SUCLG2: variants seen among roughly 807,000 people sequenced by gnomAD.
The protein encoded by SUCLG2 is succinate--CoA ligase [GDP-forming] subunit beta, mitochondrial.
Under a neutral mutation model 47.9 loss-of-function variants are expected in SUCLG2, and 42 were observed. The ratio of observed to expected loss-of-function variants is 0.88; its 90% CI spans 0.69 to 1.14. The LOEUF (loss-of-function observed/expected upper bound fraction) is 1.14, where lower values mean the gene tolerates loss of function less well. SUCLG2 is among the 50% of genes most tolerant of loss of function. The probability of loss-of-function intolerance (pLI) is 0.00; values close to 1 mark genes in which losing one functional copy is unlikely to be tolerated. For synonymous variants in SUCLG2, 195 were observed against 197.3 expected, an observed-to-expected ratio of 0.99 and a Z score of 0.10; for missense variants, 571 against 525.9, an observed-to-expected ratio of 1.09 and a Z score of -0.84.
At chr3:67,439,027 AG>A (rs1703692810) in intron 9 of SUCLG2, among the ~76,000 whole-genome samples, 1 of 152,212 alleles carries the variant, frequency 6.6e-6, no homozygotes, top group Non-Finnish European at 1.5e-5. Context: ...CACATCAAAA[AG>A]CTTTTCTACC....
rs138366182 is a variant in SUCLG2 at position 67,563,731 on chromosome 3, G to A, written c.227-34545C>T. Among the ~76,000 whole-genome samples the A allele has an allele frequency of 1.9e-3, 284 of 152,096 alleles. 2 individuals are homozygous for A. Among genetic ancestry groups the A allele is most frequent in the African/African-American group, 6.3e-3 (263 of 41,492 alleles). On this transcript the variant is annotated intron_variant, in intron 2 of 10. Coordinates refer to ENST00000307227, the MANE Select transcript of SUCLG2 (RefSeq NM_003848.4). ...TCCCAGCACTTTGGGAGGCCAAGGCGGGCAGATCACAAGGTCAGGAGATCG... is the reference window on the plus strand; with the variant it reads ...TCCCAGCACTTTGGGAGGCCAAGGCAGGCAGATCACAAGGTCAGGAGATCG...
At chr3:67,410,444 G>A (rs1488831711) in intron 9 of SUCLG2, among the ~76,000 whole-genome samples, 1 of 152,146 alleles carries the variant, frequency 6.6e-6, no homozygotes, top group Non-Finnish European at 1.5e-5. Context: ...GAGACAAGGA[G>A]TTAAAAGGAC....
intron 10 of SUCLG2, among the ~76,000 whole-genome samples, chr3:67,396,354 C>T (rs1702529502): frequency 6.6e-6 from 1 of 152,042 alleles, no homozygotes; most frequent in Non-Finnish European, 1.5e-5. Flanking sequence ...CCACCGATCC[C>T]ACAGAAATAC....
intron 6 of SUCLG2, among the ~76,000 whole-genome samples, chr3:67,512,067 G>A (rs1705808197): frequency 6.6e-6 from 1 of 150,844 alleles, no homozygotes; most frequent in African/African-American, 2.5e-5. Flanking sequence ...TGTTACCCAG[G>A]CTGCTCTTGA....
intron 2 of SUCLG2, among the ~76,000 whole-genome samples, chr3:67,568,909 A>T (rs1707540128): frequency 6.6e-6 from 1 of 152,186 alleles, no homozygotes; most frequent in Non-Finnish European, 1.5e-5. Flanking sequence ...ATAAAATAAA[A>T]TAAAGAGTGA....
intron 2 of SUCLG2, among the ~76,000 whole-genome samples, chr3:67,604,167 G>A (rs769358696): frequency 6.6e-6 from 1 of 151,878 alleles, no homozygotes; most frequent in Non-Finnish European, 1.5e-5. Context: ...CAAAATGTAT[G>A]CATTACCCAT....
At chr3:67,590,758 C>A (rs1331495090) in intron 2 of SUCLG2, among the ~76,000 whole-genome samples, 2 of 152,132 alleles carry the variant, frequency 1.3e-5, no homozygotes, top group Non-Finnish European at 2.9e-5. Flanking sequence ...TTTAAAACAA[C>A]ATAAGAACAG....
chr3:67,644,184 T>C (rs1701152213), intron 1 of SUCLG2, among the ~76,000 whole-genome samples: 1 of 152,172 alleles, frequency 6.6e-6, no homozygotes, highest in Admixed American at 6.5e-5. Context: ...GGAACACTCA[T>C]GTTCATAGCA....
chr3:67,599,504 T>A (rs1411576901), intron 2 of SUCLG2, among the ~76,000 whole-genome samples: 1 of 152,212 alleles, frequency 6.6e-6, no homozygotes, highest in African/African-American at 2.4e-5. Flanking sequence ...ATGTTTATGA[T>A]GCTAATGGAC....
intron 10 of SUCLG2, among the ~76,000 whole-genome samples, chr3:67,397,317 C>T (rs1702554525): frequency 6.6e-6 from 1 of 151,992 alleles, no homozygotes; most frequent in South Asian, 2.1e-4. Context: ...TAAGCAACTT[C>T]AGCAAAGTCT....
At chr3:67,531,240 T>A (rs1177285323) in intron 2 of SUCLG2, among the ~76,000 whole-genome samples, 3 of 152,192 alleles carry the variant, frequency 2.0e-5, no homozygotes, top group Non-Finnish European at 4.4e-5. Context: ...AGACATCAAG[T>A]GGAAAAAATA....
intron 2 of SUCLG2, among the ~76,000 whole-genome samples, chr3:67,555,993 T>A (rs1464389565): frequency 6.6e-6 from 1 of 152,220 alleles, no homozygotes; most frequent in African/African-American, 2.4e-5. Flanking sequence ...ATCATTTCTA[T>A]GGCATTTTCC....
At chr3:67,451,434 G>GT (rs1704054219) in intron 9 of SUCLG2, among the ~76,000 whole-genome samples, 1 of 152,188 alleles carries the variant, frequency 6.6e-6, no homozygotes, top group Admixed American at 6.5e-5. Flanking sequence ...CTCACGTACA[G>GT]TTGTCAGAAA....
intron 9 of SUCLG2, among the ~76,000 whole-genome samples, chr3:67,406,319 G>C (rs1702807320): frequency 6.6e-6 from 1 of 152,180 alleles, no homozygotes; most frequent in Non-Finnish European, 1.5e-5. Context: ...GTAGGCAGTA[G>C]CTAAGCCAGC....
chr3:67,650,239 A>G (rs1005044027), intron 1 of SUCLG2, among the ~76,000 whole-genome samples: 6 of 152,250 alleles, frequency 3.9e-5, no homozygotes, highest in Non-Finnish European at 7.3e-5. Context: ...CATTTAGCTG[A>G]TAAGAACTTG....
chr3:67,510,099 C>T (rs9867119), intron 6 of SUCLG2, among the ~76,000 whole-genome samples: 3,152 of 152,316 alleles, frequency 0.021, 104 homozygotes, highest in African/African-American at 0.073. Context: ...AGTAACACCA[C>T]TGCCTCATTT....
At chr3:67,455,173 T>C (rs1415962603) in intron 9 of SUCLG2, among the ~76,000 whole-genome samples, 1 of 152,150 alleles carries the variant, frequency 6.6e-6, no homozygotes, top group African/African-American at 2.4e-5. Context: ...GTTTTCTATT[T>C]CTATATATAT....
chr3:67,603,740 A>G (rs2107302101), intron 2 of SUCLG2, among the ~76,000 whole-genome samples: 1 of 152,338 alleles, frequency 6.6e-6, no homozygotes, highest in South Asian at 2.1e-4. Flanking sequence ...GATCCTAGAT[A>G]TGTTTCATCT....
chr3:67,617,542 G>A (rs1559598851), intron 1 of SUCLG2, among the ~76,000 whole-genome samples: 1 of 152,114 alleles, frequency 6.6e-6, no homozygotes, highest in South Asian at 2.1e-4. Context: ...CGTCACTTTT[G>A]TTTAGCACTG....
Sources: gnomAD v4.1 joint callset for allele counts (sites outside exome capture counted in the v4.1 genomes callset) on GRCh38, gnomAD v4.1.1 for gene constraint, MANE v1.5 for transcripts, NCBI Gene and HGNC (gene_info 2026-07-23, HGNC 2026-07-21) for gene names.